ZMIZ1: variants seen among roughly 807,000 people sequenced by gnomAD.
ZMIZ1 encodes zinc finger MIZ-type containing 1.
ZMIZ1 carries 17 observed loss-of-function variants against 113.9 expected under a neutral mutation model. The observed-to-expected ratio is 0.15, with a 90% confidence interval of 0.10 to 0.22. ZMIZ1 has a LOEUF of 0.22. Ranked by LOEUF, ZMIZ1 falls within the 10% of genes least tolerant of loss-of-function variation. The pLI, the probability that ZMIZ1 is intolerant of heterozygous loss-of-function variation, is 1.00. For synonymous variants in ZMIZ1, 607 were observed against 603.1 expected (o/e 1.01, Z -0.09); for missense variants, 1,059 against 1,477.8 (o/e 0.72, Z 4.65).
chr10:79,137,802 C>G (rs1439422614), intron 2 of ZMIZ1, among the ~76,000 whole-genome samples: 2 of 151,042 alleles, frequency 1.3e-5, no homozygotes, highest in Non-Finnish European at 2.9e-5. Context: ...TGGGGGAGGA[C>G]CTCTGAGAGG....
At chr10:79,282,195 A>C (rs1216905517) in intron 8 of ZMIZ1, among the ~76,000 whole-genome samples, 30 of 152,238 alleles carry the variant, frequency 2.0e-4, no homozygotes, top group Admixed American at 2.0e-3. Flanking sequence ...CGGAAAGAAA[A>C]TGGAAGAGAA....
At chr10:79,213,380 G>C (rs1452687191) in intron 6 of ZMIZ1, among the ~76,000 whole-genome samples, 1 of 152,178 alleles carries the variant, frequency 6.6e-6, no homozygotes, top group Non-Finnish European at 1.5e-5. Flanking sequence ...CCATACCTGT[G>C]CTCTGTGGCC....
intron 1 of ZMIZ1, among the ~76,000 whole-genome samples, chr10:79,104,235 A>T (rs1353660973): frequency 2.0e-5 from 3 of 152,172 alleles, no homozygotes; most frequent in Non-Finnish European, 4.4e-5. Context: ...GATGACGGAG[A>T]TTTGGTATTG....
chr10:79,198,087 ATC>A (rs1448696043), intron 4 of ZMIZ1, among the ~76,000 whole-genome samples: 5 of 151,986 alleles, frequency 3.3e-5, no homozygotes, highest in Non-Finnish European at 7.4e-5. Flanking sequence ...GTGAAACCCC[ATC>A]TCTACTAAAA....
At position 79,300,898 on chromosome 10, in the gene ZMIZ1, C is replaced by G. The variant is rs1398082973; in HGVS notation, c.1975C>G (p.Pro659Ala). The change falls in exon 17 of 25, where the codon CCG (proline) becomes GCG (alanine). Residue 659 changes from proline (P) to alanine (A), a missense_variant. Coordinates refer to ENST00000334512, the MANE Select transcript of ZMIZ1 (RefSeq NM_020338.4). ...CCTGCACCTGAAGCACGTGTGCCAG[C>G]CGGGCCGCAACACCATCCAGATCAC... Reference protein sequence around the residue: ...KPLHLKHVCQPGRNTIQITVT... With the variant: ...KPLHLKHVCQAGRNTIQITVT... 1 of 1,612,770 alleles carries G rather than the reference C, an allele frequency of 6.2e-7. No homozygotes were observed. The highest frequency in any genetic ancestry group is 1.1e-5 in the South Asian group (1 of 91,078).
chr10:79,307,594 A>C (rs1231119245), intron 23 of ZMIZ1, 23 bp downstream of exon 23: 4 of 1,595,770 alleles, frequency 2.5e-6, no homozygotes, highest in Middle Eastern at 1.7e-4. Flanking sequence ...TCCTCACCCC[A>C]TTCCATTCCC....
At chr10:79,250,206 G>T (rs1179569223) in intron 7 of ZMIZ1, among the ~76,000 whole-genome samples, 1 of 152,178 alleles carries the variant, frequency 6.6e-6, no homozygotes, top group Non-Finnish European at 1.5e-5. Context: ...CCGAGACTGG[G>T]TTCTCTCCAC....
Position 79,293,405 on chromosome 10 carries a change from A to T in ZMIZ1, c.982A>T (p.Ser328Cys). 1 of 1,517,768 alleles carries T rather than the reference A, an allele frequency of 6.6e-7. No individual in the cohort carries two copies. The highest frequency in any genetic ancestry group is 8.8e-7 in the Non-Finnish European group (1 of 1,134,034). The allele number at this position is 1,517,768 out of a possible 1,614,324, so 94.0% of individuals were successfully genotyped here. ...GPMGPTQAYN[S>C]QFMNQPGPRG... ...GATGGGTCCCACCCAGGCGTATAAC[A>T]GCCAATTCATGAACCAGCCCGGGCC... Residue 328 changes from serine (S) to cysteine (C), a missense_variant, in exon 12 of 25, where the codon AGC (serine) becomes TGC (cysteine). Transcript: ENST00000334512.
At chr10:79,167,969 G>A (rs996883824) in intron 4 of ZMIZ1, among the ~76,000 whole-genome samples, 5 of 152,178 alleles carry the variant, frequency 3.3e-5, no homozygotes, top group Admixed American at 6.5e-5. Context: ...GGGAGAAGAG[G>A]GGATTTACTC....
intron 23 of ZMIZ1, among the ~76,000 whole-genome samples, 194 bp downstream of exon 23, chr10:79,307,765 A>G (rs1854827044): frequency 6.6e-6 from 1 of 151,980 alleles, no homozygotes; most frequent in African/African-American, 2.4e-5. Context: ...TGTTTTACCT[A>G]GGATTTCGGA....
chr10:79,263,300 T>G (rs1429464917), intron 7 of ZMIZ1, among the ~76,000 whole-genome samples: 1 of 152,196 alleles, frequency 6.6e-6, no homozygotes, highest in Non-Finnish European at 1.5e-5. Context: ...CCTTCTGAGT[T>G]TCTTGCATCA....
intron 13 of ZMIZ1, among the ~76,000 whole-genome samples, chr10:79,297,302 A>G (rs1252271468): frequency 1.3e-5 from 2 of 152,208 alleles, no homozygotes; most frequent in Non-Finnish European, 2.9e-5. Context: ...ATTATTTTAC[A>G]TTTATTTGCC....
At chr10:79,147,543 C>A (rs1207263955) in intron 3 of ZMIZ1, among the ~76,000 whole-genome samples, 3 of 152,192 alleles carry the variant, frequency 2.0e-5, no homozygotes, top group Non-Finnish European at 2.9e-5. Flanking sequence ...CTGGGCTAGG[C>A]AGGGATAGGG....
chr10:79,119,305 G>A lies in ZMIZ1; in HGVS notation c.-227+281G>A, dbSNP rs543262939. On this transcript the variant is annotated intron_variant, in intron 2 of 24. Coordinates refer to ENST00000334512, the MANE Select transcript of ZMIZ1 (RefSeq NM_020338.4). ...TTGGGTAGCCCTTTCCTTCTAGAGG[G>A]CCTCAGCTTTCTACTCTAGTCCATG... Among the ~76,000 whole-genome samples the A allele has an allele frequency of 3.3e-4, 51 of 152,250 alleles. 2 individuals carry two copies. The South Asian group carries it at 0.01, about 31-fold the overall frequency.
intron 1 of ZMIZ1, among the ~76,000 whole-genome samples, chr10:79,116,656 G>A (rs1274967631): frequency 1.3e-5 from 2 of 152,170 alleles, no homozygotes; most frequent in African/African-American, 4.8e-5. Context: ...GGAAAGCCAC[G>A]GAAAGATTTG....
At chr10:79,303,533 A>ACT (rs200764454) in intron 18 of ZMIZ1, among the ~76,000 whole-genome samples, 1 of 125,586 alleles carries the variant, frequency 8.0e-6, no homozygotes, top group African/African-American at 2.7e-5. Flanking sequence ...CCGGGTGTGG[A>ACT]CTCGGGCCCT....
intron 1 of ZMIZ1, among the ~76,000 whole-genome samples, chr10:79,112,807 C>G (rs112425959): frequency 2.0e-5 from 3 of 152,330 alleles, no homozygotes; most frequent in African/African-American, 7.2e-5. Context: ...TCCTTTATAT[C>G]TTTCACAACT....
chr10:79,197,242 C>G (rs1045117794), intron 4 of ZMIZ1, among the ~76,000 whole-genome samples: 1 of 152,218 alleles, frequency 6.6e-6, no homozygotes, highest in Admixed American at 6.5e-5. Context: ...TCTATTGGAA[C>G]CCTGGCTACC....
At chr10:79,226,914 T>G (rs1048048636) in intron 7 of ZMIZ1, among the ~76,000 whole-genome samples, 2 of 152,218 alleles carry the variant, frequency 1.3e-5, no homozygotes, top group African/African-American at 4.8e-5. Context: ...TCAGTCATGA[T>G]GCAACCAACA....
Sources: gnomAD v4.1 joint callset for allele counts (sites outside exome capture counted in the v4.1 genomes callset) on GRCh38, gnomAD v4.1.1 for gene constraint, MANE v1.5 for transcripts, NCBI Gene and HGNC (gene_info 2026-07-23, HGNC 2026-07-21) for gene names.